Variants in KDM3B observed in about 807,000 individuals in gnomAD.
KDM3B encodes the protein lysine-specific demethylase 3B.
In KDM3B, 10 loss-of-function variants were observed where a neutral mutation model predicts 170.0. That is an observed-to-expected ratio of 0.06 (90% CI 0.04 to 0.10). KDM3B has a LOEUF of 0.10. KDM3B is among the 10% of genes least tolerant of loss of function. KDM3B has a pLI of 1.00. For missense variants in KDM3B, 1,394 were observed against 2,195.2 expected (o/e 0.64, Z 7.29); for synonymous variants, 831 against 834.8 (o/e 1.00, Z 0.08).
chr5:138,432,914 T>C (rs2127010238), intron 23 of KDM3B, among the ~76,000 whole-genome samples: 1 of 151,460 alleles, frequency 6.6e-6, no homozygotes, highest in Non-Finnish European at 1.5e-5. Context: ...CCAGCTATTT[T>C]TTTGTATTTT....
intron 11 of KDM3B, among the ~76,000 whole-genome samples, chr5:138,410,664 G>A (rs763188594): frequency 1.9e-4 from 29 of 152,160 alleles, no homozygotes; most frequent in Non-Finnish European, 4.0e-4. Flanking sequence ...GGCCCCGAAT[G>A]TCTGGCTGTG....
At position 138,375,004 on chromosome 5, in the gene KDM3B, T is replaced by C. The variant is rs1049744641; in HGVS notation, c.361-89T>C. On this transcript the variant is annotated intron_variant, in intron 2 of 23. Coordinates refer to ENST00000314358, the MANE Select transcript of KDM3B (RefSeq NM_016604.4). ...GTATTTACTGGGATGAAAGATATAA[T>C]AATTATTTCTTTGAAGTTAGAGATT... 3.9e-6 allele frequency: 3 copies of C among 762,474 alleles called. No homozygotes were observed. In the East Asian group the frequency reaches 7.5e-5, roughly 19 times the overall value. The allele number at this position is 762,474 out of a possible 1,614,324, so 47.2% of individuals were successfully genotyped here.
rs1763386054 is a variant in KDM3B at position 138,426,165 on chromosome 5, G to A, written c.4411+583G>A. Among the ~76,000 whole-genome samples, 7 of 152,254 alleles carry A rather than the reference G, an allele frequency of 4.6e-5. No individual in the cohort carries two copies. In the South Asian group the frequency reaches 1.5e-3, roughly 32 times the overall value. On this transcript the variant is annotated intron_variant, in intron 17 of 23. Transcript: ENST00000314358. ...GCTATGCAGAGCACTTTCACTCTGA[G>A]GAATGGGGATAGAATCCCCGTAAGA...
At chr5:138,361,061 G>A (rs988000243) in intron 1 of KDM3B, among the ~76,000 whole-genome samples, 1 of 152,064 alleles carries the variant, frequency 6.6e-6, no homozygotes, top group Non-Finnish European at 1.5e-5. Context: ...AAGAAACATG[G>A]CATTTTCCAT....
At chr5:138,376,856 G>A (rs1423280899) in intron 3 of KDM3B, among the ~76,000 whole-genome samples, 1 of 152,124 alleles carries the variant, frequency 6.6e-6, no homozygotes, top group Non-Finnish European at 1.5e-5. Context: ...CAAAGAAAAG[G>A]GACAAGTTAA....
intron 13 of KDM3B, 160 bp downstream of exon 13, chr5:138,417,770 A>AATCAG (rs1256989483): frequency 1.5e-6 from 1 of 684,328 alleles, no homozygotes; most frequent in Non-Finnish European, 2.4e-6. Flanking sequence ...CTTTACTCAA[A>AATCAG]GGATTTTAAT....
chr5:138,391,338 G>A lies in KDM3B; in HGVS notation c.1706G>A (p.Cys569Tyr). 1 of 1,614,194 alleles carries A rather than the reference G, an allele frequency of 6.2e-7. No individual in the cohort carries two copies. The highest frequency in any genetic ancestry group is 8.5e-7 in the Non-Finnish European group (1 of 1,180,028). The change falls in exon 8 of 24, where the codon TGT becomes TAT. Residue 569 changes from cysteine (C) to tyrosine (Y), a missense_variant. This residue lies in a region of KDM3B where 294 missense variants were observed against 311.7 expected (regional missense o/e 0.94). Coordinates refer to ENST00000314358, the MANE Select transcript of KDM3B (RefSeq NM_016604.4). The surrounding 1 kb of genome is among the most constrained non-coding windows in gnomAD (Gnocchi z 5.0). ...CTTGAGAGCCTGAGCTCAGGCCTGT[G>A]TAAAGGCAGATCCGTTCTTGGAACA... is the stretch of plus-strand genomic sequence containing the variant. The part of the protein sequence containing the change: ...QSLESLSSGL[C>Y]KGRSVLGTDT...
At chr5:138,432,214 G>A (rs1413791218) in intron 23 of KDM3B, among the ~76,000 whole-genome samples, 2 of 152,154 alleles carry the variant, frequency 1.3e-5, no homozygotes, top group African/African-American at 4.8e-5. Context: ...GAAATATTGC[G>A]CTGAAGCTGC....
At chr5:138,360,522 T>TCGTGTGTG (rs59520958) in intron 1 of KDM3B, among the ~76,000 whole-genome samples, 1 of 137,898 alleles carries the variant, frequency 7.3e-6, no homozygotes, top group Non-Finnish European at 1.5e-5. Flanking sequence ...TAAAAAAAGA[T>TCGTGTGTG]TGTGTGTGTG....
intron 7 of KDM3B, among the ~76,000 whole-genome samples, chr5:138,388,584 A>G (rs2126945984): frequency 1.3e-5 from 2 of 149,878 alleles, no homozygotes; most frequent in African/African-American, 4.9e-5. Flanking sequence ...GTGAGCCAAG[A>G]GAGCCAAGAT....
In KDM3B at chr5:138,419,043, G is replaced by T. The variant is rs2126990327; in HGVS notation, c.3526G>T (p.Asp1176Tyr). 1 of 1,614,132 alleles carries T rather than the reference G, an allele frequency of 6.2e-7. No individual in the cohort carries two copies. Among genetic ancestry groups the T allele is most frequent in the South Asian group, 1.1e-5 (1 of 91,070 alleles). ...GPAPVTTPEP[D>Y]HVPKADSTDI... ...GGCACCAGTAACAACTCCAGAGCCG[G>T]ACCATGTTCCCAAAGCCGACAGCAC... Residue 1176 changes from aspartate to tyrosine, a missense_variant, in exon 14 of 24, where the codon GAC (aspartate) becomes TAC (tyrosine). By Grantham distance (160) the Asp-to-Tyr change is radical (BLOSUM62 -3). Coordinates refer to ENST00000314358, the MANE Select transcript of KDM3B (RefSeq NM_016604.4).
At position 138,431,420 on chromosome 5, in the gene KDM3B, C is replaced by T. The variant is rs1267306032; in HGVS notation, c.5071-5C>T. Reference sequence around the variant, plus strand: ...TATTTCTCCTCTGCACTTTGCCCTTCTCAGGTTCACAATCTATACAGTTGC... The same window carrying T: ...TATTTCTCCTCTGCACTTTGCCCTTTTCAGGTTCACAATCTATACAGTTGC... On this transcript the variant is annotated splice_region_variant and splice_polypyrimidine_tract_variant and intron_variant, in intron 22 of 23. Coordinates refer to ENST00000314358, the MANE Select transcript of KDM3B (RefSeq NM_016604.4). 8 of 1,586,520 alleles carry T rather than the reference C, an allele frequency of 5.0e-6. No homozygotes were observed. Among genetic ancestry groups the T allele is most frequent in the African/African-American group, 1.3e-5 (1 of 74,184 alleles).
At chr5:138,401,132 A>G (rs535789566) in intron 11 of KDM3B, among the ~76,000 whole-genome samples, 31 of 152,120 alleles carry the variant, frequency 2.0e-4, no homozygotes, top group Admixed American at 1.3e-3. Flanking sequence ...TTAGCCGGGC[A>G]TGGTGGCGCA....
At chr5:138,376,271 C>T (rs1761997200) in intron 3 of KDM3B, among the ~76,000 whole-genome samples, 1 of 152,146 alleles carries the variant, frequency 6.6e-6, no homozygotes, top group Non-Finnish European at 1.5e-5. Context: ...AGCCACCATA[C>T]CCAACCTCCC....
At position 138,392,255 on chromosome 5, in the gene KDM3B, C is replaced by G. The variant is rs922792493; in HGVS notation, c.2623C>G (p.Leu875Val). The G allele has an allele frequency of 1.1e-5, 16 of 1,489,278 alleles. No individual in the cohort carries two copies. Among genetic ancestry groups the G allele is most frequent in the Non-Finnish European group, 1.4e-5 (16 of 1,117,842 alleles). 92.3% of individuals were successfully genotyped at this position (1,489,278 alleles called of 1,614,324 possible). ...APKGRPRTAP[L>V]KVGQSVLKDV... Reference sequence around the variant, plus strand: ...CAAGGGCCGGCCTCGGACTGCCCCCCTGAAAGGTGATCCTGCTGGGGCTAT... The same window carrying G: ...CAAGGGCCGGCCTCGGACTGCCCCCGTGAAAGGTGATCCTGCTGGGGCTAT... Residue 875 changes from leucine (L) to valine (V), a missense_variant, in exon 8 of 24, where the codon CTG (leucine) becomes GTG (valine). Coordinates refer to ENST00000314358, the MANE Select transcript of KDM3B (RefSeq NM_016604.4).
At chr5:138,422,668 G>C (rs965962765) in intron 15 of KDM3B, among the ~76,000 whole-genome samples, 1 of 151,930 alleles carries the variant, frequency 6.6e-6, no homozygotes, top group African/African-American at 2.4e-5. Context: ...AAAAGGTTTC[G>C]ACTGAAAAGT....
chr5:138,382,419 T>G (rs1371238510), intron 6 of KDM3B, among the ~76,000 whole-genome samples: 1 of 152,012 alleles, frequency 6.6e-6, no homozygotes, highest in Non-Finnish European at 1.5e-5. Context: ...ACCATTGCAC[T>G]CCAGCCTGGG....
intron 14 of KDM3B, 44 bp from the exon 15 acceptor site, chr5:138,420,662 A>C: frequency 6.2e-7 from 1 of 1,605,838 alleles, no homozygotes; most frequent in Non-Finnish European, 8.5e-7. Flanking sequence ...TGTGCTGATT[A>C]TTCCTTTTTG....
At chr5:138,399,383 CA>C (rs1339307263) in intron 10 of KDM3B, among the ~76,000 whole-genome samples, 5 of 151,328 alleles carry the variant, frequency 3.3e-5, no homozygotes, top group Admixed American at 2.6e-4. Context: ...ACTAAAAATA[CA>C]AAAATTAGCT....
Sources: gnomAD v4.1 joint callset for allele counts (sites outside exome capture counted in the v4.1 genomes callset) on GRCh38, gnomAD v4.1.1 for gene constraint, gnomAD v4.1.1 regional missense constraint, Gnocchi (gnomAD v3.1) non-coding constraint, MANE v1.5 for transcripts, NCBI Gene and HGNC (gene_info 2026-07-23, HGNC 2026-07-21) for gene names.